ZNF585A: variants seen among roughly 807,000 people sequenced by gnomAD.
The protein encoded by ZNF585A is zinc finger protein 585A.
Under a neutral mutation model 14.9 loss-of-function variants are expected in ZNF585A, and 9 were observed. The observed-to-expected ratio is 0.60, with a 90% CI of 0.36 to 1.05. ZNF585A has a LOEUF of 1.05. ZNF585A is among the 50% of genes least tolerant of loss of function. The pLI, the probability that ZNF585A is intolerant of heterozygous loss-of-function variation, is 0.01. For missense variants in ZNF585A, 726 were observed against 926.4 expected, an observed-to-expected ratio of 0.78 and a Z score of 2.81; for synonymous variants, 276 against 319.9, an observed-to-expected ratio of 0.86 and a Z score of 1.46.
At chr19:37,168,827 T>C (rs1179218773) in intron 2 of ZNF585A, among the ~76,000 whole-genome samples, 1 of 152,180 alleles carries the variant, frequency 6.6e-6, no homozygotes, top group East Asian at 1.9e-4. Context: ...TAAAAAGCAA[T>C]GTGTGAAAAT....
At chr19:37,163,709 T>C (rs1972045457) in intron 2 of ZNF585A, among the ~76,000 whole-genome samples, 1 of 151,430 alleles carries the variant, frequency 6.6e-6, no homozygotes, top group African/African-American at 2.4e-5. Flanking sequence ...ATTCGAATAT[T>C]TAGTTCAAGA....
intron 2 of ZNF585A, 108 bp downstream of exon 2, chr19:37,169,731 T>C: frequency 7.5e-7 from 1 of 1,337,762 alleles, no homozygotes; most frequent in South Asian, 1.3e-5. Context: ...AGAGTCCAGC[T>C]GCTTCCTGTG....
chr19:37,171,166 T>C (rs1972174877), intron 1 of ZNF585A, among the ~76,000 whole-genome samples: 1 of 152,342 alleles, frequency 6.6e-6, no homozygotes, highest in South Asian at 2.1e-4. Flanking sequence ...CACTTAATTA[T>C]GTGTATTTGT....
In ZNF585A at chr19:37,151,578, C is replaced by T; in HGVS notation, c.*11G>A. 1 of 1,601,948 alleles carries T rather than the reference C, an allele frequency of 6.2e-7. No individual in the cohort carries two copies. Among genetic ancestry groups the T allele is most frequent in the Non-Finnish European group, 8.5e-7 (1 of 1,173,086 alleles). On this transcript the variant is annotated 3_prime_UTR_variant, in exon 5 of 5. Transcript: ENST00000292841. Reference sequence around the variant, plus strand: ...CCCAACCCTCAGGGGGGTTTTCTCACACTGTTTCTCTCAAGCGTGGCTGCT... The same window carrying T: ...CCCAACCCTCAGGGGGGTTTTCTCATACTGTTTCTCTCAAGCGTGGCTGCT...
At chr19:37,165,547 G>T in intron 2 of ZNF585A, 2 of 718,454 alleles carry the variant, frequency 2.8e-6, no homozygotes, top group Non-Finnish European at 3.4e-6. Context: ...TTTGGAGTGG[G>T]TTGCTGAGAA....
At position 37,165,602 on chromosome 19, in the gene ZNF585A, T is replaced by C. The variant is rs141296356; in HGVS notation, c.72+4237A>G. 1,480 of 980,216 alleles carry C rather than the reference T, an allele frequency of 1.5e-3. 39 individuals are homozygous for C. In the East Asian group the frequency reaches 0.055, roughly 36 times the overall value. The allele number at this position is 980,216 out of a possible 1,614,324, so 60.7% of individuals were successfully genotyped here. On this transcript the variant is annotated intron_variant, in intron 2 of 4. Transcript: ENST00000292841. ...ATCCCAGTAAAAACCTACTAGGCTA[T>C]TGTTTTCTTCTACTCTTCAATGCAG...
Position 37,169,907 on chromosome 19 carries a change from G to A in ZNF585A, c.4C>T (p.Pro2Ser). The A allele has an allele frequency of 6.2e-7, 1 of 1,612,756 alleles. No homozygotes were observed. The highest frequency in any genetic ancestry group is 8.5e-7 in the Non-Finnish European group (1 of 1,179,984). ...TTCTGAGGTGAGGTCCAATTAGCTG[G>A]CATGGCCACACTGGGTCTCAACCCT... Reference protein sequence around the residue: MPANWTSPQKSS... With the variant: MSANWTSPQKSS... Residue 2 changes from proline to serine, a missense_variant, in exon 2 of 5, where the codon CCA becomes TCA. This residue lies in a region of ZNF585A where 483 missense variants were observed against 542.8 expected (regional missense o/e 0.89). Transcript: ENST00000292841.
intron 2 of ZNF585A, among the ~76,000 whole-genome samples, chr19:37,161,962 T>G (rs895383553): frequency 4.5e-4 from 68 of 152,208 alleles, no homozygotes; most frequent in Middle Eastern, 3.2e-3. Flanking sequence ...TTCACTCTGT[T>G]ACCCAGGCTG....
chr19:37,159,286 G>A (rs113296838), intron 2 of ZNF585A, among the ~76,000 whole-genome samples: 3,106 of 148,022 alleles, frequency 0.021, 117 homozygotes, highest in African/African-American at 0.073. Flanking sequence ...TGTTGATGAC[G>A]ACTGAAACTG....
rs142641555 is a variant in ZNF585A, at chr19:37,152,794, A to T, written c.1105T>A (p.Leu369Met). The T allele has an allele frequency of 1.7e-3, 2,666 of 1,614,010 alleles. 10 individuals are homozygous for T. Among genetic ancestry groups the T allele is most frequent in the Non-Finnish European group, 2.0e-3 (2,414 of 1,179,980 alleles). The change falls in exon 5 of 5, where the codon TTG becomes ATG. Residue 369 changes from leucine (L) to methionine (M), a missense_variant. Physicochemically the swap from Leu to Met is conservative, Grantham distance 15. Coordinates refer to ENST00000292841, the MANE Select transcript of ZNF585A (RefSeq NM_001288800.2). ...GTGTGAATTCTCTGATGAATAATCA[A>T]CTCTGACCTGTAGGTAAAGGCCTTC... ...CGKAFTYRSELIIHQRIHTGE... is the reference protein window; with the variant it reads ...CGKAFTYRSEMIIHQRIHTGE...
chr19:37,151,456 T>C lies in ZNF585A; in HGVS notation c.*133A>G. The C allele has an allele frequency of 2.0e-6, 2 of 990,634 alleles. No individual in the cohort carries two copies. Among genetic ancestry groups the C allele is most frequent in the Non-Finnish European group, 2.9e-6 (2 of 685,854 alleles). 61.4% of individuals were successfully genotyped at this position (990,634 alleles called of 1,614,324 possible). A position where few individuals can be genotyped will look rare whatever the true frequency, so the allele number is the denominator to read the frequency against. On this transcript the variant is annotated 3_prime_UTR_variant, in exon 5 of 5. Coordinates refer to ENST00000292841, the MANE Select transcript of ZNF585A (RefSeq NM_001288800.2). ...ATTCAGTGCCTTCTCAGAGGCCCTCTCCAGAACAGCCATGTGTGACATTCT... is the reference window on the plus strand; with the variant it reads ...ATTCAGTGCCTTCTCAGAGGCCCTCCCCAGAACAGCCATGTGTGACATTCT...
intron 2 of ZNF585A, among the ~76,000 whole-genome samples, chr19:37,156,979 C>T (rs371634437): frequency 6.6e-6 from 1 of 152,146 alleles, no homozygotes; most frequent in East Asian, 1.9e-4. Context: ...CGTGAGCCAC[C>T]GCGCCTGGCC....
At chr19:37,157,947 G>A (rs2145405097) in intron 2 of ZNF585A, among the ~76,000 whole-genome samples, 1 of 150,498 alleles carries the variant, frequency 6.6e-6, no homozygotes, top group South Asian at 2.1e-4. Context: ...AGAGTGCAGT[G>A]GTGCGATCTC....
chr19:37,155,222 T>G (rs1035149474), intron 4 of ZNF585A, among the ~76,000 whole-genome samples: 11 of 151,580 alleles, frequency 7.3e-5, no homozygotes, highest in African/African-American at 2.7e-4. Context: ...TCTCCTGACC[T>G]CATGATCTGC....
At position 37,149,064 on chromosome 19, in the gene ZNF585A, A is replaced by G. The variant is rs150273434; in HGVS notation, c.*2525T>C. 6.6e-6 allele frequency: 1 copy of G among 152,312 alleles called. No homozygotes were observed. Among genetic ancestry groups the G allele is most frequent in the Non-Finnish European group, 1.5e-5 (1 of 68,016 alleles). 9.4% of individuals were successfully genotyped at this position (152,312 alleles called of 1,614,324 possible). ...AACTACTCTGTGTATAACAGTGGAA[A>G]CATGCCATGATCCACTTGCTCCAAC... On this transcript the variant is annotated 3_prime_UTR_variant, in exon 5 of 5. Transcript: ENST00000292841.
At position 37,156,258 on chromosome 19, in the gene ZNF585A, A is replaced by T. The variant is rs796945700; in HGVS notation, c.170T>A (p.Leu57Gln). 6.2e-7 allele frequency: 1 copy of T among 1,614,214 alleles called. No homozygotes were observed. The highest frequency in any genetic ancestry group is 8.5e-7 in the Non-Finnish European group (1 of 1,180,030). Residue 57 changes from leucine to glutamine, a missense_variant, in exon 3 of 5, where the codon CTG becomes CAG. Leu to Gln is a moderately radical substitution (Grantham distance 113). Around this residue, in one of 2 missense-constraint regions of ZNF585A, gnomAD observed 483 missense variants for 542.8 expected, o/e 0.89. Transcript: ENST00000292841. ...SQRNLYRDVM[L>Q]ETYSHLLSVG... ...TGAGAGCAGGTGGCTGTAGGTCTCCAGCATCACATCCCGGTACAGGTTTCT... is the reference window on the plus strand; with the variant it reads ...TGAGAGCAGGTGGCTGTAGGTCTCCTGCATCACATCCCGGTACAGGTTTCT...
Position 37,152,397 on chromosome 19 carries a change from T to C in ZNF585A, c.1502A>G (p.Lys501Arg), listed in dbSNP as rs1313601302. The C allele has an allele frequency of 6.8e-6, 11 of 1,613,892 alleles. No homozygotes were observed. Among genetic ancestry groups the C allele is most frequent in the Non-Finnish European group, 8.5e-6 (10 of 1,180,002 alleles). Residue 501 changes from lysine (K) to arginine (R), a missense_variant, in exon 5 of 5, where the codon AAG (lysine) becomes AGG (arginine). Around this residue, in one of 2 missense-constraint regions of ZNF585A, gnomAD observed 243 missense variants for 383.6 expected, o/e 0.63. Coordinates refer to ENST00000292841, the MANE Select transcript of ZNF585A (RefSeq NM_001288800.2). ...CAAGTCTGACCTCTGGGTGAAGGCC[T>C]TTCCACATTTGGAACATATATAAGA... The part of the protein sequence containing the change: ...EKSYICSKCG[K>R]AFTQRSDLIT...
At chr19:37,159,559 G>A (rs1180673456) in intron 2 of ZNF585A, among the ~76,000 whole-genome samples, 6 of 152,022 alleles carry the variant, frequency 3.9e-5, no homozygotes, top group Non-Finnish European at 7.4e-5. Flanking sequence ...CATCATCAAG[G>A]TTATAGAAAA....
At chr19:37,167,796 G>T (rs1361525587) in intron 2 of ZNF585A, among the ~76,000 whole-genome samples, 1 of 151,054 alleles carries the variant, frequency 6.6e-6, no homozygotes, top group Non-Finnish European at 1.5e-5. Context: ...TATTTTTTGT[G>T]TCTTCAGTAT....
Sources: allele counts gnomAD v4.1 joint callset (sites outside exome capture counted in the v4.1 genomes callset), GRCh38; gene constraint gnomAD v4.1.1; regional missense constraint gnomAD v4.1.1; transcripts MANE v1.5; gene names NCBI Gene and HGNC (gene_info 2026-07-23, HGNC 2026-07-21).